Variants in MTERF3 observed in about 807,000 individuals in gnomAD.
MTERF3 encodes the protein transcription termination factor 3, mitochondrial.
Under a neutral mutation model 40.5 loss-of-function variants are expected in MTERF3, and 40 were observed. The observed-to-expected ratio is 0.99, with a 90% CI of 0.77 to 1.29. The LOEUF is 1.29. Ranked by LOEUF, MTERF3 falls within the 50% of genes most tolerant of loss-of-function variation. The pLI, the probability that MTERF3 is intolerant of heterozygous loss-of-function variation, is 0.00. For synonymous variants in MTERF3, 158 were observed against 166.6 expected, an observed-to-expected ratio of 0.95 and a Z score of 0.40; for missense variants, 452 against 478.2, an observed-to-expected ratio of 0.95 and a Z score of 0.51.
chr8:96,250,868 C>T (rs899012954), intron 4 of MTERF3, 38 bp downstream of exon 4: 1 of 1,546,428 alleles, frequency 6.5e-7, no homozygotes, highest in Non-Finnish European at 8.8e-7. Flanking sequence ...TTCATAACCA[C>T]TTCTTAGGTT....
At chr8:96,254,323 A>T (rs1177720556) in intron 3 of MTERF3, among the ~76,000 whole-genome samples, 1 of 152,130 alleles carries the variant, frequency 6.6e-6, no homozygotes, top group Non-Finnish European at 1.5e-5. Flanking sequence ...TCAAGTATAC[A>T]TTATTATTAA....
Position 96,245,939 on chromosome 8 carries a change from T to C in MTERF3, c.826-8A>G. 1 of 1,612,980 alleles carries C rather than the reference T, an allele frequency of 6.2e-7. No homozygotes were observed. Among genetic ancestry groups the C allele is most frequent in the Non-Finnish European group, 8.5e-7 (1 of 1,179,398 alleles). ...AACTACCAGATCTCTAGTCTGTGGTTGCAAACAAAACAATCTAGTATTACT... is the reference window on the plus strand; with the variant it reads ...AACTACCAGATCTCTAGTCTGTGGTCGCAAACAAAACAATCTAGTATTACT... On this transcript the variant is annotated splice_polypyrimidine_tract_variant and splice_region_variant and intron_variant, in intron 5 of 7. Transcript: ENST00000287025.
chr8:96,258,780 AAGAT>A (rs760510623), intron 1 of MTERF3, 80 bp from the exon 2 acceptor site: 8 of 1,061,640 alleles, frequency 7.5e-6, no homozygotes, highest in Non-Finnish European at 1.1e-5. Flanking sequence ...AAACAACAAA[AAGAT>A]AAACTGGAAA....
intron 2 of MTERF3, among the ~76,000 whole-genome samples, chr8:96,257,613 CAGG>C (rs1237043514): frequency 1.3e-5 from 2 of 152,192 alleles, no homozygotes; most frequent in Non-Finnish European, 2.9e-5. Context: ...GTCCTCTCTA[CAGG>C]AGATGTGACT....
rs565764901 is a variant in MTERF3, at chr8:96,241,444, C to T, written c.1060-1759G>A. Among the ~76,000 whole-genome samples, 60 of 151,492 alleles carry T rather than the reference C, an allele frequency of 4.0e-4. No homozygotes were observed. The South Asian group carries it at 0.012, about 31-fold the overall frequency. On this transcript the variant is annotated intron_variant, in intron 7 of 7. Coordinates refer to ENST00000287025, the MANE Select transcript of MTERF3 (RefSeq NM_015942.5). Reference sequence around the variant, plus strand: ...AAAAAAAACAAAAAACAAAAAAAAACTATCACCCAACAACAGACAAAACCA... The same window carrying T: ...AAAAAAAACAAAAAACAAAAAAAAATTATCACCCAACAACAGACAAAACCA...
At chr8:96,259,040 GTTAAT>G (rs1810333566) in intron 1 of MTERF3, among the ~76,000 whole-genome samples, 1 of 152,220 alleles carries the variant, frequency 6.6e-6, no homozygotes, top group Non-Finnish European at 1.5e-5. Flanking sequence ...TCACTAATCT[GTTAAT>G]TTAATCATTT....
intron 7 of MTERF3, among the ~76,000 whole-genome samples, chr8:96,240,106 GGCGT>G (rs1163396635): frequency 1.3e-5 from 2 of 152,146 alleles, no homozygotes; most frequent in Non-Finnish European, 2.9e-5. Flanking sequence ...AAATTAGCTG[GGCGT>G]GGTGGCGCAT....
At chr8:96,257,706 A>G (rs1456520051) in intron 2 of MTERF3, among the ~76,000 whole-genome samples, 1 of 152,112 alleles carries the variant, frequency 6.6e-6, no homozygotes, top group Non-Finnish European at 1.5e-5. Flanking sequence ...AGAACTACAC[A>G]TTACCTTAAG....
rs183608040 is a variant in MTERF3 at position 96,254,804 on chromosome 8, T to C, written c.487+2158A>G. The stretch of plus-strand genomic sequence containing the variant: ...GAGAACAAAGGCCATTCTAAACATA[T>C]GGGTAACATATGGGTAACTGGGCAC... On this transcript the variant is annotated intron_variant, in intron 3 of 7. Transcript: ENST00000287025. 2.6e-3 allele frequency among the ~76,000 whole-genome samples: 399 copies of C among 152,334 alleles called. 3 individuals carry two copies. The highest frequency in any genetic ancestry group is 4.7e-3 in the Non-Finnish European group (323 of 68,022).
In MTERF3 at chr8:96,257,103, A is replaced by G. The variant is rs1216137156; in HGVS notation, c.346T>C (p.Leu116=). ...SELFLEELDE[L]PPLSPMQPIS... ...GGCTGCATTGGAGACAATGGAGGCAATTCATCCAGTTCTTTGAAAGAGAGA... is the reference window on the plus strand; with the variant it reads ...GGCTGCATTGGAGACAATGGAGGCAGTTCATCCAGTTCTTTGAAAGAGAGA... Residue 116 remains leucine (L), a synonymous_variant, in exon 3 of 8, where the codon TTG becomes CTG. Transcript: ENST00000287025. 5.6e-6 allele frequency: 9 copies of G among 1,611,426 alleles called. No individual in the cohort carries two copies. The South Asian group carries it at 9.9e-5, about 18-fold the overall frequency.
chr8:96,259,798 T>C, intron 1 of MTERF3, among the ~76,000 whole-genome samples: 1 of 152,208 alleles, frequency 6.6e-6, no homozygotes, highest in Non-Finnish European at 1.5e-5. Flanking sequence ...ACCAAATACT[T>C]GAGGGTCTAA....
Position 96,258,671 on chromosome 8 carries a change from T to C in MTERF3, c.20A>G (p.Gln7Arg). The change falls in exon 2 of 8, where the codon CAG becomes CGG. Residue 7 changes from glutamine (Q) to arginine (R), a missense_variant. Physicochemically the swap from Gln to Arg is conservative, Grantham distance 43 (BLOSUM62 1). Transcript: ENST00000287025. Reference protein sequence around the residue: MALSAQQIPRWFNSVKL... With the variant: MALSAQRIPRWFNSVKL... ...AACTGAGTTAAACCATCTGGGTATCTGTTGGGCTGACAAAGCCATTTTTCT... is the reference window on the plus strand; with the variant it reads ...AACTGAGTTAAACCATCTGGGTATCCGTTGGGCTGACAAAGCCATTTTTCT... 1.2e-6 allele frequency: 2 copies of C among 1,602,186 alleles called. No individual in the cohort carries two copies. Among genetic ancestry groups the C allele is most frequent in the Non-Finnish European group, 1.7e-6 (2 of 1,171,718 alleles).
chr8:96,257,957 T>C (rs1563552840), intron 2 of MTERF3, among the ~76,000 whole-genome samples: 2 of 152,196 alleles, frequency 1.3e-5, no homozygotes, highest in Non-Finnish European at 2.9e-5. Flanking sequence ...AATATAATTG[T>C]TTTATTTGTT....
At position 96,250,911 on chromosome 8, in the gene MTERF3, C is replaced by T. The variant is rs1287791078; in HGVS notation, c.672G>A (p.Lys224=). The T allele has an allele frequency of 1.2e-6, 2 of 1,603,380 alleles. No individual in the cohort carries two copies. The highest frequency in any genetic ancestry group is 1.4e-5 in the African/African-American group (1 of 74,044). The change falls in exon 4 of 8, where the codon AAG becomes AAA. Residue 224 remains lysine (K), a synonymous_variant. Transcript: ENST00000287025. The stretch of plus-strand genomic sequence containing the variant: ...AATCCTTTTAAAAGTCCTACCTGGT[C>T]TTCAGATTTTCAAGGTCTTCAGAGA... The part of the protein sequence containing the change: ...AIFSEDLENL[K]TRVAYLHSKN...
chr8:96,239,704 T>G lies in MTERF3; in HGVS notation c.1060-19A>C. The G allele has an allele frequency of 6.4e-7, 1 of 1,555,358 alleles. No individual in the cohort carries two copies. The highest frequency in any genetic ancestry group is 2.2e-5 in the East Asian group (1 of 44,504). ...TAAATACCTAGAAAAGAAAAAAAAG[T>G]TTTTAAAAAACACTGCACACGGGAG... On this transcript the variant is annotated intron_variant, in intron 7 of 7. Transcript: ENST00000287025.
chr8:96,245,425 C>A (rs1810003166), intron 6 of MTERF3, among the ~76,000 whole-genome samples: 1 of 152,290 alleles, frequency 6.6e-6, no homozygotes, highest in East Asian at 1.9e-4. Flanking sequence ...GTGCTGGCTG[C>A]TACTCTTTTC....
rs750642588 is a variant in MTERF3, at chr8:96,257,065, T to C, written c.384A>G (p.Glu128=). Residue 128 remains glutamate, a synonymous_variant, in exon 3 of 8, where the codon GAA becomes GAG. Coordinates refer to ENST00000287025, the MANE Select transcript of MTERF3 (RefSeq NM_015942.5). The part of the protein sequence containing the change: ...PLSPMQPISE[E]EAIQIIADPP... ...GGTCTGCAATAATCTGAATAGCCTC[T>C]TCCTCTGAAATTGGCTGCATTGGAG... is the stretch of plus-strand genomic sequence containing the variant. 6.2e-7 allele frequency: 1 copy of C among 1,613,826 alleles called. No individual in the cohort carries two copies. Among genetic ancestry groups the C allele is most frequent in the Admixed American group, 1.7e-5 (1 of 59,976 alleles).
At chr8:96,251,329 C>G (rs1404253805) in intron 3 of MTERF3, among the ~76,000 whole-genome samples, 1 of 152,116 alleles carries the variant, frequency 6.6e-6, no homozygotes, top group East Asian at 1.9e-4. Context: ...TACATTTCCC[C>G]CCAAAACAAA....
chr8:96,252,870 G>A (rs910826252), intron 3 of MTERF3, among the ~76,000 whole-genome samples: 3 of 152,216 alleles, frequency 2.0e-5, no homozygotes, highest in African/African-American at 7.2e-5. Context: ...TTTAACAGCA[G>A]TAGGAGAGCA....
Sources: allele counts gnomAD v4.1 joint callset (sites outside exome capture counted in the v4.1 genomes callset), GRCh38; gene constraint gnomAD v4.1.1; transcripts MANE v1.5; gene names NCBI Gene and HGNC (gene_info 2026-07-23, HGNC 2026-07-21).